NRXN3: variants seen among roughly 807,000 people sequenced by gnomAD.
NRXN3 encodes neurexin III.
NRXN3 carries 32 observed loss-of-function variants against 137.6 expected under a neutral mutation model. The ratio of observed to expected loss-of-function variants is 0.23; its 90% CI spans 0.18 to 0.31. The LOEUF (loss-of-function observed/expected upper bound fraction) is 0.31. NRXN3 is among the 10% of genes least tolerant of loss of function. The pLI, the probability that NRXN3 is intolerant of heterozygous loss-of-function variation, is 1.00. For missense variants in NRXN3, 1,574 were observed against 2,062.5 expected (o/e 0.76, Z 4.59); for synonymous variants, 798 against 784.5 (o/e 1.02, Z -0.29).
At chr14:78,733,219 C>A (rs1259432339) in intron 8 of NRXN3, among the ~76,000 whole-genome samples, 2 of 152,136 alleles carry the variant, frequency 1.3e-5, no homozygotes, top group African/African-American at 4.8e-5. Context: ...GCACTATTTT[C>A]TGCCTCATGC....
intron 8 of NRXN3, among the ~76,000 whole-genome samples, chr14:78,762,451 T>A (rs2098695661): frequency 1.3e-5 from 2 of 152,202 alleles, no homozygotes; most frequent in African/African-American, 4.8e-5. Context: ...ACGCAATCTC[T>A]TTGAGTCTCA....
intron 15 of NRXN3, among the ~76,000 whole-genome samples, chr14:79,039,335 T>C (rs1188294600): frequency 6.6e-6 from 1 of 152,196 alleles, no homozygotes; most frequent in Admixed American, 6.5e-5. Context: ...AACCCATAAC[T>C]GTTTTGCCTA....
At chr14:78,334,514 TC>T (rs1752205663) in intron 4 of NRXN3, among the ~76,000 whole-genome samples, 1 of 152,158 alleles carries the variant, frequency 6.6e-6, no homozygotes. Context: ...TACAAGATGA[TC>T]CCCTGGGATG....
At chr14:79,534,860 A>T (rs938834335) in intron 16 of NRXN3, among the ~76,000 whole-genome samples, 4 of 152,184 alleles carry the variant, frequency 2.6e-5, no homozygotes, top group Non-Finnish European at 5.9e-5. Context: ...AAAACCTGGG[A>T]TTTTATAAGG....
At chr14:78,971,517 A>G (rs1170198020) in intron 14 of NRXN3, among the ~76,000 whole-genome samples, 1 of 152,160 alleles carries the variant, frequency 6.6e-6, no homozygotes, top group Non-Finnish European at 1.5e-5. Context: ...GTCATTGACA[A>G]TGACACTTTA....
At chr14:78,651,097 C>CCACTG in intron 5 of NRXN3, 68 bp from the exon 6 acceptor site, 1 of 1,391,208 alleles carries the variant, frequency 7.2e-7, no homozygotes, top group East Asian at 2.3e-5. Flanking sequence ...GTAGGGGAAG[C>CCACTG]CACTGGGTTA....
intron 2 of NRXN3, among the ~76,000 whole-genome samples, chr14:78,266,253 C>T (rs559123936): frequency 3.3e-5 from 5 of 151,954 alleles, no homozygotes; most frequent in African/African-American, 7.3e-5. Flanking sequence ...AATGTGAAAT[C>T]AAAATGCTTT....
chr14:78,988,426 C>T (rs1020821183), intron 15 of NRXN3: 2 of 385,286 alleles, frequency 5.2e-6, no homozygotes, highest in African/African-American at 4.2e-5. Context: ...CCATTTCAGG[C>T]AATATTTTTG....
At chr14:79,843,049 C>T (rs2099359496) in intron 20 of NRXN3, among the ~76,000 whole-genome samples, 1 of 152,150 alleles carries the variant, frequency 6.6e-6, no homozygotes, top group South Asian at 2.1e-4. Flanking sequence ...TATATTGTAG[C>T]AAATGGCAGG....
At chr14:78,934,973 A>T (rs182230032) in intron 10 of NRXN3, among the ~76,000 whole-genome samples, 1 of 152,032 alleles carries the variant, frequency 6.6e-6, no homozygotes, top group East Asian at 1.9e-4. Context: ...TAATAATAAT[A>T]ATAATAATAA....
At chr14:79,218,810 C>T (rs988671355) in intron 15 of NRXN3, among the ~76,000 whole-genome samples, 24 of 152,006 alleles carry the variant, frequency 1.6e-4, no homozygotes, top group African/African-American at 3.4e-4. Context: ...GGTAAACAGA[C>T]GACTGATTAG....
intron 20 of NRXN3, among the ~76,000 whole-genome samples, chr14:79,829,403 C>A (rs992764700): frequency 6.6e-6 from 1 of 152,172 alleles, no homozygotes; most frequent in Non-Finnish European, 1.5e-5. Context: ...AGCAGGTTTT[C>A]TGTTATTGCC....
At chr14:79,719,656 A>C (rs1296661333) in intron 19 of NRXN3, among the ~76,000 whole-genome samples, 2 of 152,076 alleles carry the variant, frequency 1.3e-5, no homozygotes, top group Non-Finnish European at 2.9e-5. Context: ...CCAACCCTCC[A>C]GAGAAAATCG....
intron 4 of NRXN3, among the ~76,000 whole-genome samples, chr14:78,601,744 G>C (rs1179291637): frequency 6.6e-6 from 1 of 152,158 alleles, no homozygotes; most frequent in Non-Finnish European, 1.5e-5. Context: ...GTGAGCCACT[G>C]TGCCTGGCCT....
At chr14:79,037,827 G>A (rs1248963545) in intron 15 of NRXN3, among the ~76,000 whole-genome samples, 5 of 152,042 alleles carry the variant, frequency 3.3e-5, no homozygotes, top group East Asian at 1.9e-4. Context: ...CCTCTGTGTC[G>A]CTCGCTTATG....
chr14:79,794,355 C>G (rs1010317142), intron 19 of NRXN3, among the ~76,000 whole-genome samples: 3 of 152,000 alleles, frequency 2.0e-5, no homozygotes, highest in Non-Finnish European at 4.4e-5. Context: ...CAGAGTGAGA[C>G]TCTGTCTCAA....
intron 15 of NRXN3, among the ~76,000 whole-genome samples, chr14:79,192,171 A>G (rs1555836512): frequency 6.6e-6 from 1 of 152,170 alleles, no homozygotes; most frequent in Non-Finnish European, 1.5e-5. Context: ...ACAGATCCCA[A>G]CTGGATTGGG....
intron 10 of NRXN3, among the ~76,000 whole-genome samples, chr14:78,932,586 G>A (rs529158977): frequency 8.5e-5 from 13 of 152,236 alleles, no homozygotes; most frequent in African/African-American, 2.6e-4. Flanking sequence ...GCATAAAGCC[G>A]CAGGGAAGTG....
chr14:79,863,383 A>G lies in NRXN3; in HGVS notation c.*1419A>G. ...GTTTGATGGGATGACTGACACAGGA[A>G]ATCTGTTAAAGTCTTAAAATGGAAT... On this transcript the variant is annotated 3_prime_UTR_variant, in exon 21 of 21. Transcript: ENST00000335750. 6.6e-6 allele frequency: 1 copy of G among 151,756 alleles called. No individual in the cohort carries two copies. The highest frequency in any genetic ancestry group is 6.6e-5 in the Admixed American group (1 of 15,150). 9.4% of individuals were successfully genotyped at this position (151,756 alleles called of 1,614,324 possible).
Sources: allele counts gnomAD v4.1 joint callset (sites outside exome capture counted in the v4.1 genomes callset), GRCh38; gene constraint gnomAD v4.1.1; transcripts MANE v1.5; gene names NCBI Gene and HGNC (gene_info 2026-07-23, HGNC 2026-07-21).